The following ZNF385D variants were observed in gnomAD, a reference collection of about 807,000 sequenced individuals.
ZNF385D encodes zinc finger protein 659.
A neutral mutation model predicts 35.8 loss-of-function variants in ZNF385D; 15 were observed. The observed-to-expected ratio is 0.42, with a 90% CI of 0.28 to 0.64. ZNF385D has a LOEUF of 0.64. ZNF385D is among the 30% of genes least tolerant of loss of function. ZNF385D has a pLI of 0.23. For synonymous variants in ZNF385D, 212 were observed against 186.8 expected, an observed-to-expected ratio of 1.13 and a Z score of -1.10; for missense variants, 474 against 494.6, an observed-to-expected ratio of 0.96 and a Z score of 0.39.
intron 1 of ZNF385D, among the ~76,000 whole-genome samples, chr3:21,681,488 T>C (rs1490188409): frequency 1.3e-5 from 2 of 151,498 alleles, no homozygotes; most frequent in Admixed American, 6.6e-5. Flanking sequence ...CCAAAGGAAA[T>C]GGCAGGGCAT....
intron 3 of ZNF385D, among the ~76,000 whole-genome samples, chr3:21,985,609 G>A (rs1445766113): frequency 1.4e-5 from 2 of 141,706 alleles, no homozygotes; most frequent in Admixed American, 1.4e-4. Flanking sequence ...GTTCATCAAG[G>A]GTATTGGTCT....
chr3:22,265,316 T>G (rs1308738902), intron 2 of ZNF385D, among the ~76,000 whole-genome samples: 1 of 151,940 alleles, frequency 6.6e-6, no homozygotes, highest in Non-Finnish European at 1.5e-5. Context: ...TAAAACCAGT[T>G]TCTACTGCTG....
intron 3 of ZNF385D, among the ~76,000 whole-genome samples, chr3:22,079,605 A>G (rs1445240516): frequency 1.3e-5 from 2 of 152,012 alleles, no homozygotes; most frequent in Admixed American, 6.6e-5. Context: ...TTGGGAAATG[A>G]CAGCATCCTA....
intron 2 of ZNF385D, among the ~76,000 whole-genome samples, chr3:22,202,638 G>A (rs1169960819): frequency 6.6e-6 from 1 of 152,102 alleles, no homozygotes; most frequent in East Asian, 1.9e-4. Flanking sequence ...ATCTTTGAAA[G>A]AGGAACTGAA....
At chr3:22,031,319 G>C (rs1697986688) in intron 3 of ZNF385D, among the ~76,000 whole-genome samples, 1 of 152,178 alleles carries the variant, frequency 6.6e-6, no homozygotes, top group Non-Finnish European at 1.5e-5. Flanking sequence ...GGTTCTTCAT[G>C]AGGGGCTCTG....
intron 3 of ZNF385D, among the ~76,000 whole-genome samples, chr3:21,812,948 C>T (rs767777868): frequency 4.2e-4 from 64 of 152,154 alleles, no homozygotes; most frequent in African/African-American, 7.0e-4. Context: ...CCTCCCAGTA[C>T]GGGCCAACTG....
At chr3:22,289,796 G>T (rs1702204732) in intron 2 of ZNF385D, among the ~76,000 whole-genome samples, 1 of 152,044 alleles carries the variant, frequency 6.6e-6, no homozygotes, top group Non-Finnish European at 1.5e-5. Context: ...AGGAGTAATC[G>T]ATAGACCTGG....
rs780125930 is a variant in ZNF385D at position 21,725,914 on chromosome 3, T to C, written c.22+24981A>G. 4.0e-4 allele frequency among the ~76,000 whole-genome samples: 61 copies of C among 152,310 alleles called. 1 individual carries two copies. Among genetic ancestry groups the C allele is most frequent in the Non-Finnish European group, 7.2e-4 (49 of 68,028 alleles). ...GGCCAATATCCCTGATAAATATTAATGTGCAAGTCCTCAATAAAATACTGG... is the reference window on the plus strand; with the variant it reads ...GGCCAATATCCCTGATAAATATTAACGTGCAAGTCCTCAATAAAATACTGG... On this transcript the variant is annotated intron_variant, in intron 1 of 7. Coordinates refer to ENST00000281523, the MANE Select transcript of ZNF385D (RefSeq NM_024697.3).
intron 2 of ZNF385D, among the ~76,000 whole-genome samples, chr3:21,644,284 G>A (rs188906284): frequency 2.0e-5 from 3 of 152,228 alleles, no homozygotes; most frequent in Admixed American, 1.3e-4. Flanking sequence ...ATTAATGAAA[G>A]CAAGATAATT....
intron 1 of ZNF385D, among the ~76,000 whole-genome samples, chr3:21,737,938 T>C (rs74643387): frequency 0.011 from 1,660 of 152,308 alleles, 29 homozygotes; most frequent in African/African-American, 0.038. Context: ...CACGTAAAGA[T>C]AGACGGCCAT....
intron 1 of ZNF385D, among the ~76,000 whole-genome samples, chr3:21,683,495 G>A (rs1186621427): frequency 6.7e-6 from 1 of 149,522 alleles, no homozygotes; most frequent in Non-Finnish European, 1.5e-5. Context: ...TTGTGCATCT[G>A]TAGTCCCAGC....
intron 3 of ZNF385D, among the ~76,000 whole-genome samples, chr3:21,808,083 C>A (rs979868933): frequency 6.6e-6 from 1 of 151,962 alleles, no homozygotes; most frequent in Admixed American, 6.6e-5. Flanking sequence ...GAAAAGTGAT[C>A]AAGAGACCGG....
intron 2 of ZNF385D, among the ~76,000 whole-genome samples, chr3:21,591,766 A>G (rs1453494280): frequency 1.3e-5 from 2 of 151,976 alleles, no homozygotes; most frequent in African/African-American, 2.4e-5. Flanking sequence ...TTATCTCTCT[A>G]TATCATGTTT....
chr3:21,450,293 C>T (rs765584546), intron 4 of ZNF385D, among the ~76,000 whole-genome samples: 35 of 152,166 alleles, frequency 2.3e-4, no homozygotes, highest in Admixed American at 4.6e-4. Flanking sequence ...AGCAAGGACT[C>T]ATGCTTTTTC....
At chr3:21,598,837 T>A (rs148572886) in intron 2 of ZNF385D, among the ~76,000 whole-genome samples, 3 of 152,266 alleles carry the variant, frequency 2.0e-5, no homozygotes, top group African/African-American at 7.2e-5. Context: ...ATTAATCTTA[T>A]TTACTCAATT....
chr3:21,982,301 G>A (rs762795542), intron 3 of ZNF385D, among the ~76,000 whole-genome samples: 2 of 151,938 alleles, frequency 1.3e-5, no homozygotes, highest in South Asian at 2.1e-4. Context: ...TCCCTGGTTA[G>A]CTGTATTTCT....
At chr3:21,827,461 T>C (rs1400919103) in intron 3 of ZNF385D, among the ~76,000 whole-genome samples, 1 of 152,220 alleles carries the variant, frequency 6.6e-6, no homozygotes, top group East Asian at 1.9e-4. Context: ...GAGACATCAA[T>C]TGACACTTGT....
intron 2 of ZNF385D, among the ~76,000 whole-genome samples, chr3:21,593,554 T>C (rs999635244): frequency 6.6e-6 from 1 of 152,110 alleles, no homozygotes; most frequent in Non-Finnish European, 1.5e-5. Flanking sequence ...ATCTCTTGCC[T>C]TTAGTATTAG....
At chr3:21,705,666 T>C (rs1321088248) in intron 1 of ZNF385D, among the ~76,000 whole-genome samples, 1 of 152,190 alleles carries the variant, frequency 6.6e-6, no homozygotes, top group African/African-American at 2.4e-5. Context: ...ATAAAAGACT[T>C]GTCCATGGTC....
Sources: allele counts gnomAD v4.1 joint callset (sites outside exome capture counted in the v4.1 genomes callset), GRCh38; gene constraint gnomAD v4.1.1; transcripts MANE v1.5; gene names NCBI Gene and HGNC (gene_info 2026-07-23, HGNC 2026-07-21).